ADGRL2: variants seen among roughly 807,000 people sequenced by gnomAD.
ADGRL2 encodes the protein adhesion G protein-coupled receptor L2.
A neutral mutation model predicts 157.4 loss-of-function variants in ADGRL2; 44 were observed. The ratio of observed to expected loss-of-function variants is 0.28; its 90% CI spans 0.22 to 0.36. The LOEUF is 0.36. Ranked by LOEUF, ADGRL2 falls within the 10% of genes least tolerant of loss-of-function variation. ADGRL2 has a pLI of 1.00. For synonymous variants in ADGRL2, 585 were observed against 624.7 expected (o/e 0.94, Z 0.95); for missense variants, 1,510 against 1,768.9 (o/e 0.85, Z 2.63).
At chr1:81,353,287 C>T (rs957243467) in intron 1 of ADGRL2, among the ~76,000 whole-genome samples, 1 of 152,084 alleles carries the variant, frequency 6.6e-6, no homozygotes, top group Non-Finnish European at 1.5e-5. Context: ...AGATTGGGTC[C>T]TTTTATTCCA....
intron 2 of ADGRL2, among the ~76,000 whole-genome samples, chr1:81,464,768 C>T (rs937626242): frequency 6.6e-6 from 1 of 152,088 alleles, no homozygotes; most frequent in African/African-American, 2.4e-5. Flanking sequence ...ATTCTTTGCA[C>T]ATACCTCATT....
chr1:81,424,967 C>T (rs560189786), intron 1 of ADGRL2, among the ~76,000 whole-genome samples: 5 of 152,282 alleles, frequency 3.3e-5, no homozygotes, highest in African/African-American at 1.2e-4. Context: ...ACTTTATAAG[C>T]TTCACCTTAA....
chr1:81,966,276 A>T, intron 12 of ADGRL2, 93 bp downstream of exon 12: 1 of 1,557,578 alleles, frequency 6.4e-7, no homozygotes, highest in Non-Finnish European at 8.8e-7. Flanking sequence ...TATAACAAAA[A>T]AACGGCTTAC....
intron 2 of ADGRL2, among the ~76,000 whole-genome samples, chr1:81,892,818 A>G (rs895633147): frequency 2.6e-5 from 4 of 152,208 alleles, no homozygotes; most frequent in African/African-American, 9.6e-5. Flanking sequence ...TTGTTTGAAC[A>G]TTAAAAAATG....
intron 2 of ADGRL2, among the ~76,000 whole-genome samples, chr1:81,456,786 C>T (rs1042730537): frequency 6.6e-6 from 1 of 152,048 alleles, no homozygotes; most frequent in East Asian, 1.9e-4. Flanking sequence ...CAAAATAGTT[C>T]TTGATTTTGC....
intron 2 of ADGRL2, among the ~76,000 whole-genome samples, chr1:81,458,443 G>A (rs2077852819): frequency 6.6e-6 from 1 of 152,204 alleles, no homozygotes; most frequent in African/African-American, 2.4e-5. Flanking sequence ...TTCTGCTGCA[G>A]CCAGAGGAAG....
intron 2 of ADGRL2, among the ~76,000 whole-genome samples, chr1:81,846,305 T>A (rs72717773): frequency 0.013 from 1,932 of 144,908 alleles, 16 homozygotes; most frequent in Non-Finnish European, 0.023. Flanking sequence ...ATCAGTGTTC[T>A]TCTCTCCTTA....
chr1:81,606,781 C>T (rs373262678), intron 3 of ADGRL2, among the ~76,000 whole-genome samples: 2,289 of 113,112 alleles, frequency 0.02, 75 homozygotes, highest in African/African-American at 0.056. Flanking sequence ...TGTGCGCACG[C>T]GTGTGTGTGT....
intron 2 of ADGRL2, among the ~76,000 whole-genome samples, chr1:81,875,141 A>G (rs2093804716): frequency 6.6e-6 from 1 of 152,182 alleles, no homozygotes; most frequent in Non-Finnish European, 1.5e-5. Flanking sequence ...CTTGTCAAAC[A>G]AAAGTGTGGA....
intron 2 of ADGRL2, among the ~76,000 whole-genome samples, chr1:81,793,874 T>G (rs977136370): frequency 1.3e-5 from 2 of 152,098 alleles, no homozygotes; most frequent in African/African-American, 4.8e-5. Flanking sequence ...ATTTTTCAGA[T>G]TCTTTATTTG....
intron 2 of ADGRL2, among the ~76,000 whole-genome samples, chr1:81,518,505 G>A (rs1342780468): frequency 1.3e-5 from 2 of 152,172 alleles, no homozygotes; most frequent in Non-Finnish European, 2.9e-5. Context: ...CTACTTCTCA[G>A]GTGAGAGTCT....
chr1:81,715,382 T>C (rs1255954043), intron 1 of ADGRL2, among the ~76,000 whole-genome samples: 1 of 152,108 alleles, frequency 6.6e-6, no homozygotes, highest in Non-Finnish European at 1.5e-5. Flanking sequence ...TATGCAGACA[T>C]TAGGTCTAAA....
chr1:81,527,186 C>A (rs865858211), intron 2 of ADGRL2, among the ~76,000 whole-genome samples: 1 of 152,178 alleles, frequency 6.6e-6, no homozygotes, highest in African/African-American at 2.4e-5. Flanking sequence ...TCTTTAGGAA[C>A]CACAAAAACA....
chr1:81,658,914 G>T (rs1447061551), intron 3 of ADGRL2, among the ~76,000 whole-genome samples: 1 of 151,772 alleles, frequency 6.6e-6, no homozygotes, highest in Non-Finnish European at 1.5e-5. Context: ...AACATGCCTG[G>T]CTAATTTTTG....
intron 3 of ADGRL2, among the ~76,000 whole-genome samples, chr1:81,682,654 G>C (rs960204668): frequency 3.3e-5 from 5 of 152,108 alleles, no homozygotes; most frequent in Admixed American, 6.5e-5. Flanking sequence ...TCAGTCTCTT[G>C]GAATGGATGG....
At chr1:81,425,232 C>G (rs2077190860) in intron 1 of ADGRL2, among the ~76,000 whole-genome samples, 2 of 152,136 alleles carry the variant, frequency 1.3e-5, no homozygotes, top group South Asian at 4.1e-4. Context: ...GACCCTATCA[C>G]ATATATACAC....
At chr1:81,551,764 T>C (rs961637856) in intron 2 of ADGRL2, among the ~76,000 whole-genome samples, 2 of 152,188 alleles carry the variant, frequency 1.3e-5, no homozygotes, top group Non-Finnish European at 2.9e-5. Context: ...TCCTTTAAAA[T>C]ACTTCTGAAA....
At chr1:81,868,808 T>C (rs2093618940) in intron 2 of ADGRL2, among the ~76,000 whole-genome samples, 2 of 152,124 alleles carry the variant, frequency 1.3e-5, no homozygotes, top group South Asian at 2.1e-4. Context: ...AGGTCCCTGT[T>C]ATTTGCACTA....
intron 2 of ADGRL2, among the ~76,000 whole-genome samples, chr1:81,541,183 T>A (rs10518656): frequency 0.12 from 18,810 of 152,256 alleles, 1,177 homozygotes; most frequent in South Asian, 0.14. Context: ...TCTTATGTCT[T>A]TGAATTAACA....
Sources: gnomAD v4.1 joint callset for allele counts (sites outside exome capture counted in the v4.1 genomes callset) on GRCh38, gnomAD v4.1.1 for gene constraint, MANE v1.5 for transcripts, NCBI Gene and HGNC (gene_info 2026-07-23, HGNC 2026-07-21) for gene names.